The following TG variants were observed in gnomAD, a reference collection of about 807,000 sequenced individuals.
The protein encoded by TG is thyroid hormones.
TG carries 270 observed loss-of-function variants against 324.7 expected under a neutral mutation model. That is an observed-to-expected ratio of 0.83 (90% CI 0.75 to 0.92). TG has a LOEUF of 0.92. TG is among the 40% of genes least tolerant of loss of function. The pLI is 0.00. For missense variants in TG, 3,591 were observed against 3,456.4 expected (o/e 1.04, Z -0.98); for synonymous variants, 1,401 against 1,327.0 (o/e 1.06, Z -1.21).
intron 41 of TG, among the ~76,000 whole-genome samples, chr8:133,061,830 G>A (rs1044389189): frequency 6.6e-6 from 1 of 152,108 alleles, no homozygotes; most frequent in Non-Finnish European, 1.5e-5. Flanking sequence ...TCAGAGCAAG[G>A]CCCTCCCCGG....
chr8:133,065,823 A>G (rs1587961243), intron 41 of TG, among the ~76,000 whole-genome samples: 1 of 152,260 alleles, frequency 6.6e-6, no homozygotes, highest in East Asian at 1.9e-4. Context: ...AGTCATCAAA[A>G]CAAACCTTAG....
At chr8:132,973,355 A>G (rs1375319792) in intron 34 of TG, among the ~76,000 whole-genome samples, 1 of 152,150 alleles carries the variant, frequency 6.6e-6, no homozygotes, top group African/African-American at 2.4e-5. Context: ...ATGCATATAG[A>G]GTTAGGACTT....
At chr8:132,870,431 T>C (rs1839380205) in intron 3 of TG, among the ~76,000 whole-genome samples, 1 of 149,144 alleles carries the variant, frequency 6.7e-6, no homozygotes, top group Admixed American at 6.7e-5. Context: ...TGAGCTTGGC[T>C]GAGTCAGGCA....
At chr8:133,031,629 A>T (rs1325152286) in intron 41 of TG, among the ~76,000 whole-genome samples, 1 of 152,166 alleles carries the variant, frequency 6.6e-6, no homozygotes, top group Non-Finnish European at 1.5e-5. Flanking sequence ...CCTTTTAGGG[A>T]TCCAAACTCT....
At chr8:133,010,725 CA>C (rs1232999419) in intron 35 of TG, among the ~76,000 whole-genome samples, 1 of 152,216 alleles carries the variant, frequency 6.6e-6, no homozygotes, top group East Asian at 1.9e-4. Context: ...GGATCACCCT[CA>C]CTTCGTCTGG....
chr8:133,012,999 G>A (rs1443094842), intron 36 of TG, among the ~76,000 whole-genome samples: 1 of 152,232 alleles, frequency 6.6e-6, no homozygotes, highest in Non-Finnish European at 1.5e-5. Flanking sequence ...TGAAGAACAG[G>A]AGAGGAAGAC....
At chr8:132,922,178 G>A (rs762398726) in intron 21 of TG, among the ~76,000 whole-genome samples, 9 of 152,182 alleles carry the variant, frequency 5.9e-5, no homozygotes, top group Non-Finnish European at 1.2e-4. Context: ...GTATAATGGA[G>A]GTACATATTA....
chr8:132,981,549 A>G (rs540352223), intron 34 of TG, among the ~76,000 whole-genome samples: 12 of 152,358 alleles, frequency 7.9e-5, no homozygotes, highest in African/African-American at 2.9e-4. Context: ...CCAGCTGGAT[A>G]TAGAGGAACA....
chr8:132,907,074 G>A (rs914940329), intron 17 of TG, among the ~76,000 whole-genome samples, 174 bp downstream of exon 17: 4 of 152,196 alleles, frequency 2.6e-5, no homozygotes, highest in Non-Finnish European at 5.9e-5. Flanking sequence ...TCTAGAAGGA[G>A]CAGATGTCCT....
At chr8:132,893,954 C>G (rs1430364183) in intron 11 of TG, 25 bp downstream of exon 11, 1 of 1,614,002 alleles carries the variant, frequency 6.2e-7, no homozygotes, top group South Asian at 1.1e-5. Flanking sequence ...CTTCAGCTTT[C>G]TTACTGCATC....
At chr8:133,022,784 G>T (rs1312432869) in intron 40 of TG, among the ~76,000 whole-genome samples, 2 of 152,166 alleles carry the variant, frequency 1.3e-5, no homozygotes, top group East Asian at 3.8e-4. Context: ...ACCACATGCA[G>T]CAGGGAATGT....
intron 11 of TG, 152 bp downstream of exon 11, chr8:132,894,081 C>A: frequency 8.3e-7 from 1 of 1,202,400 alleles, no homozygotes; most frequent in Non-Finnish European, 1.2e-6. Context: ...GGTTTGGGGG[C>A]ACCAGTCAAA....
rs112069838 is a variant in TG at position 132,897,239 on chromosome 8, G to T, written c.3002-410G>T. 1.4e-3 allele frequency among the ~76,000 whole-genome samples: 219 copies of T among 152,272 alleles called. 1 individual carries two copies. Among genetic ancestry groups the T allele is most frequent in the African/African-American group, 5.2e-3 (216 of 41,562 alleles). On this transcript the variant is annotated intron_variant, in intron 11 of 47. Coordinates refer to ENST00000220616, the MANE Select transcript of TG (RefSeq NM_003235.5). ...CTCAGTTTTCTCATCCATTAAATGG[G>T]ATAACATGACATTTCTTCAGATTGC...
intron 43 of TG, among the ~76,000 whole-genome samples, chr8:133,110,193 C>T (rs1235196170): frequency 1.3e-5 from 2 of 152,190 alleles, no homozygotes; most frequent in African/African-American, 4.8e-5. Context: ...GAGTTCTCCC[C>T]ACTTCCGCTC....
At chr8:132,867,718 C>T (rs1004451518) in intron 1 of TG, among the ~76,000 whole-genome samples, 21 of 134,886 alleles carry the variant, frequency 1.6e-4, no homozygotes, top group African/African-American at 5.7e-4. Context: ...TTGATAGATT[C>T]AAGAAGAACT....
intron 35 of TG, chr8:133,001,836 C>T (rs901066635): frequency 1.5e-5 from 15 of 985,364 alleles, no homozygotes; most frequent in African/African-American, 8.7e-5. Context: ...CAGAATGTCA[C>T]GGTTTACCCC....
At chr8:132,924,600 G>A (rs1821565340) in intron 22 of TG, among the ~76,000 whole-genome samples, 1 of 152,174 alleles carries the variant, frequency 6.6e-6, no homozygotes, top group Non-Finnish European at 1.5e-5. Context: ...GAAAGTCCCA[G>A]GTAAACCATC....
At chr8:133,001,113 T>G (rs930557105) in intron 35 of TG, among the ~76,000 whole-genome samples, 7 of 152,166 alleles carry the variant, frequency 4.6e-5, no homozygotes, top group African/African-American at 1.4e-4. Flanking sequence ...ACCATTGGAT[T>G]AAGGCCTACT....
intron 25 of TG, among the ~76,000 whole-genome samples, chr8:132,939,985 GTT>G (rs895271286): frequency 1.3e-5 from 2 of 151,812 alleles, no homozygotes. Context: ...CCCAGTATAT[GTT>G]TTTTTTACCT....
Sources: gnomAD v4.1 joint callset for allele counts (sites outside exome capture counted in the v4.1 genomes callset) on GRCh38, gnomAD v4.1.1 for gene constraint, MANE v1.5 for transcripts, NCBI Gene and HGNC (gene_info 2026-07-23, HGNC 2026-07-21) for gene names.